SPC25: variants seen among roughly 807,000 people sequenced by gnomAD.
SPC25 encodes kinetochore protein Spc25.
Under a neutral mutation model 29.6 loss-of-function variants are expected in SPC25, and 22 were observed. The ratio of observed to expected loss-of-function variants is 0.74; its 90% CI spans 0.53 to 1.06. The LOEUF is 1.06. Among genes scored for constraint, SPC25 ranks in the 50% least tolerant of loss-of-function variants. The pLI is 0.00. For missense variants in SPC25, 230 were observed against 255.8 expected, an observed-to-expected ratio of 0.90 and a Z score of 0.69; for synonymous variants, 91 against 90.4, an observed-to-expected ratio of 1.01 and a Z score of -0.04.
downstream of SPC25, among the ~76,000 whole-genome samples, chr2:168,869,635 G>C (rs1309914186): frequency 1.3e-5 from 2 of 152,054 alleles, no homozygotes; most frequent in Non-Finnish European, 2.9e-5. Context: ...AAATACCTAG[G>C]AATCCAACTT....
At chr2:168,888,472 G>A (rs763480165) in intron 3 of SPC25, among the ~76,000 whole-genome samples, 16 of 151,780 alleles carry the variant, frequency 1.1e-4, no homozygotes, top group Non-Finnish European at 2.1e-4. Context: ...GGAGAGTGGC[G>A]TGAACCCAGG....
chr2:168,889,798 G>A (rs139408898), intron 1 of SPC25, among the ~76,000 whole-genome samples: 3 of 152,222 alleles, frequency 2.0e-5, no homozygotes, highest in Non-Finnish European at 4.4e-5. Flanking sequence ...CTATGACCCT[G>A]GGTCCATTTT....
intron 3 of SPC25, among the ~76,000 whole-genome samples, 168 bp downstream of exon 3, chr2:168,889,058 C>CAT (rs571952905): frequency 2.6e-5 from 3 of 116,812 alleles, no homozygotes; most frequent in Non-Finnish European, 5.2e-5. Context: ...CATATATATA[C>CAT]ATATATATAT....
intron 3 of SPC25, among the ~76,000 whole-genome samples, chr2:168,883,311 A>C (rs1253557041): frequency 6.6e-6 from 1 of 152,184 alleles, no homozygotes; most frequent in East Asian, 1.9e-4. Flanking sequence ...TGTTTTGTTA[A>C]ATATGGTTCT....
chr2:168,868,063 C>G (rs1034761775), downstream of SPC25, among the ~76,000 whole-genome samples: 5 of 152,122 alleles, frequency 3.3e-5, no homozygotes, highest in African/African-American at 4.8e-5. Flanking sequence ...CTCAAAACCA[C>G]TCAACTACAT....
At chr2:168,886,089 T>G (rs951509761) in intron 3 of SPC25, among the ~76,000 whole-genome samples, 1 of 142,878 alleles carries the variant, frequency 7.0e-6, no homozygotes, top group Non-Finnish European at 1.5e-5. Context: ...GGTCTCACTC[T>G]GTCGCCCAGG....
At chr2:168,863,427 A>G in intron 4 of SPC25, 1 of 985,140 alleles carries the variant, frequency 1.0e-6, no homozygotes, top group Non-Finnish European at 1.2e-6. Flanking sequence ...AAATCACCTC[A>G]GAATGATGCC....
chr2:168,862,963 T>C (rs1689561423), intron 4 of SPC25, among the ~76,000 whole-genome samples: 1 of 152,214 alleles, frequency 6.6e-6, no homozygotes, highest in African/African-American at 2.4e-5. Context: ...TTATTGGGTG[T>C]TTCCTTTGCA....
At chr2:168,869,270 G>C (rs1029298918), downstream of SPC25, among the ~76,000 whole-genome samples, 2 of 152,112 alleles carry the variant, frequency 1.3e-5, no homozygotes, top group Admixed American at 6.5e-5. Flanking sequence ...GACAAAAACT[G>C]GAAGCATTCC....
chr2:168,861,663 CA>C (rs1689457230), intron 4 of SPC25, among the ~76,000 whole-genome samples: 1 of 152,046 alleles, frequency 6.6e-6, no homozygotes, highest in Non-Finnish European at 1.5e-5. Flanking sequence ...GAATGTTTTC[CA>C]AAACATGCAT....
intron 4 of SPC25, among the ~76,000 whole-genome samples, chr2:168,861,625 G>A (rs957000003): frequency 2.0e-5 from 3 of 152,040 alleles, no homozygotes; most frequent in East Asian, 1.9e-4. Context: ...CAAATATCCC[G>A]TATTTATACC....
chr2:168,864,984 A>T (rs1196254755), intron 4 of SPC25: 2 of 1,613,578 alleles, frequency 1.2e-6, no homozygotes, highest in Admixed American at 3.3e-5. Flanking sequence ...AAGACTCTGA[A>T]CATACTACCT....
chr2:168,869,680 A>G (rs1448543237), downstream of SPC25, among the ~76,000 whole-genome samples: 2 of 152,218 alleles, frequency 1.3e-5, no homozygotes, highest in Non-Finnish European at 1.5e-5. Flanking sequence ...AAGGAGAACT[A>G]CAACCACTGC....
In SPC25 at chr2:168,876,110, T is replaced by C. The variant is rs1275749134; in HGVS notation, c.413A>G (p.Tyr138Cys). The C allele has an allele frequency of 6.4e-7, 1 of 1,566,566 alleles. No homozygotes were observed. The highest frequency in any genetic ancestry group is 8.6e-7 in the Non-Finnish European group (1 of 1,164,086). ...LKRLQKSADL[Y>C]KDRLGLEIRK... Reference sequence around the variant, plus strand: ...AATTTCTAGTCCAAGTCGATCTTTATACAAGTCTGCAGATTTCTGCAGCCT... The same window carrying C: ...AATTTCTAGTCCAAGTCGATCTTTACACAAGTCTGCAGATTTCTGCAGCCT... The change falls in exon 5 of 7, where the codon TAT (tyrosine) becomes TGT (cysteine). Residue 138 changes from tyrosine to cysteine, a missense_variant. Transcript: ENST00000282074.
Position 168,877,219 on chromosome 2 carries a change from T to A in SPC25, c.346+19A>T. ...CCACTTTCCATTTTAGATCAGTATG[T>A]TTATAAGAGGAAACTTACTTTCCTT... On this transcript the variant is annotated intron_variant, in intron 4 of 6. Transcript: ENST00000282074. 3.1e-6 allele frequency: 5 copies of A among 1,611,266 alleles called. No homozygotes were observed. The highest frequency in any genetic ancestry group is 4.2e-6 in the Non-Finnish European group (5 of 1,179,190).
rs755373911 is a variant in SPC25, at chr2:168,889,233, A to G, written c.192T>C (p.Tyr64=). The G allele has an allele frequency of 4.3e-6, 7 of 1,611,994 alleles. No individual in the cohort carries two copies. The highest frequency in any genetic ancestry group is 1.3e-5 in the African/African-American group (1 of 74,780). ...EERMVEMFLE[Y]QNQISRQNKL... ...TTATACTTTTTCACATACGATTTTG[A>G]TATTCCAGAAACATCTCAACCATTC... is the stretch of plus-strand genomic sequence containing the variant. Residue 64 remains tyrosine (Y), a synonymous_variant, in exon 3 of 7, where the codon TAT becomes TAC. Coordinates refer to ENST00000282074, the MANE Select transcript of SPC25 (RefSeq NM_020675.4).
At chr2:168,865,044 CTCTT>C (rs1374101110) in intron 4 of SPC25, 5 of 1,503,850 alleles carry the variant, frequency 3.3e-6, no homozygotes, top group Non-Finnish European at 3.6e-6. Context: ...GAATAAAGTG[CTCTT>C]ACCTTTACAT....
chr2:168,879,047 G>T (rs1484574096), intron 3 of SPC25, among the ~76,000 whole-genome samples: 1 of 152,180 alleles, frequency 6.6e-6, no homozygotes, highest in East Asian at 1.9e-4. Context: ...GCTAAAATAT[G>T]CTAATAATCA....
intron 5 of SPC25, among the ~76,000 whole-genome samples, chr2:168,874,091 A>G (rs1214440886): frequency 1.3e-5 from 2 of 152,208 alleles, no homozygotes; most frequent in Non-Finnish European, 2.9e-5. Context: ...ACATTTCTCC[A>G]AAGAATATAT....
Sources: gnomAD v4.1 joint callset for allele counts (sites outside exome capture counted in the v4.1 genomes callset) on GRCh38, gnomAD v4.1.1 for gene constraint, MANE v1.5 for transcripts, NCBI Gene and HGNC (gene_info 2026-07-23, HGNC 2026-07-21) for gene names.